The following STOX2 variants were observed in gnomAD, a reference collection of about 807,000 sequenced individuals.
STOX2 encodes storkhead box 2.
A neutral mutation model predicts 60.9 loss-of-function variants in STOX2; 28 were observed. The ratio of observed to expected loss-of-function variants is 0.46; its 90% CI spans 0.34 to 0.63. The LOEUF is 0.63. STOX2 is among the 30% of genes least tolerant of loss of function. The probability of loss-of-function intolerance (pLI) is 0.01; values close to 1 mark genes in which losing one functional copy is unlikely to be tolerated. For missense variants in STOX2, 1,024 were observed against 1,187.7 expected (o/e 0.86, Z 2.03); for synonymous variants, 472 against 463.9 (o/e 1.02, Z -0.22).
intron 1 of STOX2, among the ~76,000 whole-genome samples, chr4:183,914,600 A>G (rs1394245628): frequency 6.6e-6 from 1 of 152,218 alleles, no homozygotes; most frequent in Non-Finnish European, 1.5e-5. Flanking sequence ...CAGGTGAACA[A>G]TAAAGGCGTA....
rs887313578 is a variant in STOX2 at position 183,821,211 on chromosome 4, C to G, written c.364+23156C>G. ...ATGCCAATCTAATATAGCATAACGA[C>G]TTAATTTTGCTCTTGAATTGTACAC... On this transcript the variant is annotated intron_variant, in intron 1 of 2. Transcript: ENST00000513034. This position sits in a 1 kb window ranked among gnomAD's most constrained non-coding sequence, Gnocchi z 4.2. 3.3e-5 allele frequency among the ~76,000 whole-genome samples: 5 copies of G among 152,218 alleles called. No homozygotes were observed. The highest frequency in any genetic ancestry group is 1.2e-4 in the African/African-American group (5 of 41,468).
chr4:183,873,032 T>G (rs1275840164), intron 1 of STOX2, among the ~76,000 whole-genome samples: 2 of 152,192 alleles, frequency 1.3e-5, no homozygotes, highest in African/African-American at 4.8e-5. Flanking sequence ...GTTACTTACT[T>G]TTTGGAAGCT....
chr4:183,812,569 A>G (rs777891858), intron 1 of STOX2, among the ~76,000 whole-genome samples: 1 of 152,258 alleles, frequency 6.6e-6, no homozygotes, highest in African/African-American at 2.4e-5. Flanking sequence ...GTTGTTTCTA[A>G]AGAGCAGCTC....
Position 184,009,384 on chromosome 4 carries a change from C to T in STOX2, c.546C>T (p.Ala182=). ...SPQPGTITPS[A]SGCVRERTLP... ...AACCCGGGACCATCACGCCCTCTGCCTCAGGCTGTGTCAGGGAAAGGACAT... is the reference window on the plus strand; with the variant it reads ...AACCCGGGACCATCACGCCCTCTGCTTCAGGCTGTGTCAGGGAAAGGACAT... The change falls in exon 3 of 4, where the codon GCC becomes GCT. Residue 182 remains alanine, a synonymous_variant. Transcript: ENST00000308497. The surrounding 1 kb of genome is among the most constrained non-coding windows in gnomAD (Gnocchi z 4.0). The T allele has an allele frequency of 6.2e-7, 1 of 1,614,028 alleles. No homozygotes were observed. The highest frequency in any genetic ancestry group is 8.5e-7 in the Non-Finnish European group (1 of 1,179,892).
Position 183,863,652 on chromosome 4 carries a change from C to G in STOX2, c.364+65597C>G, listed in dbSNP as rs1161218004. On this transcript the variant is annotated intron_variant, in intron 1 of 2. Transcript: ENST00000513034. ...GGACTCTAGGATCTCAAAGCAGGAA[C>G]CAGTCTTATCTGGTTTAAAAGATAA... Among the ~76,000 whole-genome samples the G allele has an allele frequency of 2.6e-5, 4 of 152,282 alleles. No individual in the cohort carries two copies. The South Asian group carries it at 8.3e-4, about 32-fold the overall frequency.
intron 1 of STOX2, among the ~76,000 whole-genome samples, chr4:183,937,552 T>G (rs1742622414): frequency 6.6e-6 from 1 of 152,132 alleles, no homozygotes; most frequent in South Asian, 2.1e-4. Flanking sequence ...ATTTAGAAAT[T>G]GAGAGTAGGC....
intron 1 of STOX2, among the ~76,000 whole-genome samples, chr4:183,926,888 C>T (rs2111108897): frequency 6.6e-6 from 1 of 152,282 alleles, no homozygotes; most frequent in East Asian, 1.9e-4. Flanking sequence ...TCCCAAAGTG[C>T]TGAGATTACA....
At chr4:183,883,290 A>G (rs1005926683) in intron 1 of STOX2, among the ~76,000 whole-genome samples, 2 of 151,240 alleles carry the variant, frequency 1.3e-5, no homozygotes, top group African/African-American at 4.9e-5. Flanking sequence ...GTTATTAAAT[A>G]CCCCATAGTT....
intron 1 of STOX2, among the ~76,000 whole-genome samples, chr4:183,885,832 C>T (rs1741065835): frequency 1.3e-5 from 2 of 152,214 alleles, no homozygotes; most frequent in Admixed American, 6.5e-5. Context: ...CCTTAGTCCC[C>T]TTTATAACAA....
intron 2 of STOX2, among the ~76,000 whole-genome samples, chr4:184,004,239 A>G (rs1733720294): frequency 6.6e-6 from 1 of 152,164 alleles, no homozygotes; most frequent in Admixed American, 6.5e-5. Flanking sequence ...GTAGTCTAGA[A>G]TTTGGCTTCT....
intron 1 of STOX2, among the ~76,000 whole-genome samples, chr4:183,874,697 C>T (rs7672531): frequency 0.43 from 64,652 of 150,152 alleles, 14,004 homozygotes; most frequent in Middle Eastern, 0.5. Flanking sequence ...GAGGCCGAGG[C>T]GGGCGGATCA....
intron 1 of STOX2, among the ~76,000 whole-genome samples, chr4:183,907,321 G>A (rs1474647335): frequency 6.6e-6 from 1 of 152,166 alleles, no homozygotes; most frequent in Non-Finnish European, 1.5e-5. Context: ...CATTGTGGCC[G>A]GTTATCTGAG....
In STOX2 at chr4:183,840,739, C is replaced by T. The variant is rs984717872; in HGVS notation, c.364+42684C>T. 2.6e-5 allele frequency among the ~76,000 whole-genome samples: 4 copies of T among 152,240 alleles called. No homozygotes were observed. The South Asian group carries it at 8.3e-4, about 32-fold the overall frequency. The stretch of plus-strand genomic sequence containing the variant: ...ATGCATATTTCAGACTTGCCAGAGC[C>T]CCTCTTCAGTGGCTTGAGACTTGGT... On this transcript the variant is annotated intron_variant, in intron 1 of 2. Coordinates refer to the STOX2 transcript ENST00000513034.
At chr4:183,868,342 C>T (rs1459920004) in intron 1 of STOX2, among the ~76,000 whole-genome samples, 2 of 152,076 alleles carry the variant, frequency 1.3e-5, no homozygotes, top group Non-Finnish European at 1.5e-5. Context: ...GGGAGGATTG[C>T]TTGAGCTCAG....
At chr4:183,886,148 A>G (rs10004778) in intron 1 of STOX2, among the ~76,000 whole-genome samples, 676 of 9,932 alleles carry the variant, frequency 0.068, 197 homozygotes, top group Middle Eastern at 0.21. Context: ...GTTGGATGGT[A>G]TAGGCAGATG....
chr4:183,807,513 G>A (rs932553160), intron 1 of STOX2, among the ~76,000 whole-genome samples: 2 of 152,204 alleles, frequency 1.3e-5, no homozygotes, highest in East Asian at 1.9e-4. Flanking sequence ...TCTGGCCACC[G>A]TGTCTCATCG....
chr4:183,935,861 G>A (rs897704424), intron 1 of STOX2, among the ~76,000 whole-genome samples: 6 of 152,214 alleles, frequency 3.9e-5, no homozygotes, highest in Non-Finnish European at 8.8e-5. Context: ...GAGGAGGGAT[G>A]TAAGAGTGAT....
intron 1 of STOX2, among the ~76,000 whole-genome samples, chr4:183,961,656 C>A (rs992698987): frequency 6.6e-6 from 1 of 152,200 alleles, no homozygotes. Context: ...GACGTCTGGG[C>A]TTTTAGTGTG....
intron 3 of STOX2, among the ~76,000 whole-genome samples, chr4:184,013,840 G>A (rs755289688): frequency 3.3e-5 from 5 of 152,132 alleles, no homozygotes; most frequent in Non-Finnish European, 7.4e-5. Flanking sequence ...CCAGGCTGGA[G>A]TGCAGTGGTG....
Sources: allele counts gnomAD v4.1 joint callset (sites outside exome capture counted in the v4.1 genomes callset), GRCh38; gene constraint gnomAD v4.1.1; non-coding constraint Gnocchi (gnomAD v3.1); transcripts MANE v1.5; gene names NCBI Gene and HGNC (gene_info 2026-07-23, HGNC 2026-07-21).